HDAC4: variants seen among roughly 807,000 people sequenced by gnomAD.
The protein encoded by HDAC4 is histone deacetylase A.
In HDAC4, 16 loss-of-function variants were observed where a neutral mutation model predicts 135.1. That is an observed-to-expected ratio of 0.12 (90% CI 0.08 to 0.18). HDAC4 has a LOEUF of 0.18. HDAC4 is among the 10% of genes least tolerant of loss of function. The pLI is 1.00. For synonymous variants in HDAC4, 685 were observed against 653.4 expected (o/e 1.05, Z -0.74); for missense variants, 1,143 against 1,511.8 (o/e 0.76, Z 4.05).
rs569346468 is a variant in HDAC4, at chr2:239,154,332, G to A, written c.733+2320C>T. On this transcript the variant is annotated intron_variant, in intron 7 of 26. Transcript: ENST00000543185. Reference sequence around the variant, plus strand: ...ACTCCCAGGACAAGAGGAGACTCTGGGGATGGGTGCATGCCACAGCCGTGA... The same window carrying A: ...ACTCCCAGGACAAGAGGAGACTCTGAGGATGGGTGCATGCCACAGCCGTGA... Among the ~76,000 whole-genome samples the A allele has an allele frequency of 2.6e-5, 4 of 152,302 alleles. No homozygotes were observed. In the East Asian group the frequency reaches 7.7e-4, roughly 29 times the overall value.
At chr2:239,263,740 G>A (rs1479182286) in intron 2 of HDAC4, among the ~76,000 whole-genome samples, 1 of 152,208 alleles carries the variant, frequency 6.6e-6, no homozygotes, top group Non-Finnish European at 1.5e-5. Context: ...TGAGAGACAC[G>A]GGGGCACCGA....
chr2:239,184,669 T>C (rs1448890504), intron 4 of HDAC4, among the ~76,000 whole-genome samples: 1 of 105,692 alleles, frequency 9.5e-6, no homozygotes, highest in Non-Finnish European at 1.9e-5. Context: ...TTGTACCCTA[T>C]GGGGGAGGTC....
chr2:239,166,540 G>T (rs145182430), intron 5 of HDAC4, among the ~76,000 whole-genome samples: 1 of 152,124 alleles, frequency 6.6e-6, no homozygotes, highest in Non-Finnish European at 1.5e-5. Flanking sequence ...CGTTAGACTC[G>T]AACATCACTT....
intron 7 of HDAC4, among the ~76,000 whole-genome samples, chr2:239,155,165 C>A (rs1168781760): frequency 6.6e-6 from 1 of 151,980 alleles, no homozygotes; most frequent in African/African-American, 2.4e-5. Flanking sequence ...TGACCCACTC[C>A]ACCTGGGACA....
At chr2:239,273,396 G>A (rs1033570685) in intron 2 of HDAC4, among the ~76,000 whole-genome samples, 7 of 152,192 alleles carry the variant, frequency 4.6e-5, no homozygotes, top group Admixed American at 1.3e-4. Flanking sequence ...GTAAAGCAAC[G>A]AGCTCATTCC....
intron 2 of HDAC4, among the ~76,000 whole-genome samples, chr2:239,241,050 A>G (rs2048148885): frequency 6.6e-6 from 1 of 152,196 alleles, no homozygotes; most frequent in Non-Finnish European, 1.5e-5. Context: ...GCAGTTTCCT[A>G]GGATCACGGA....
At chr2:239,295,495 C>CA (rs2051829441) in intron 2 of HDAC4, among the ~76,000 whole-genome samples, 1 of 152,190 alleles carries the variant, frequency 6.6e-6, no homozygotes, top group African/African-American at 2.4e-5. Context: ...GACTAGGAGT[C>CA]AGAGACTCTC....
intron 24 of HDAC4, among the ~76,000 whole-genome samples, chr2:239,063,142 T>C (rs1055109298): frequency 6.6e-6 from 1 of 151,978 alleles, no homozygotes; most frequent in African/African-American, 2.4e-5. Context: ...TGCTCTGTAG[T>C]GGGTCATGGA....
chr2:239,158,580 G>C (rs1254128629), intron 6 of HDAC4, among the ~76,000 whole-genome samples: 1 of 152,048 alleles, frequency 6.6e-6, no homozygotes, highest in Admixed American at 6.5e-5. Context: ...GCAGGTGCAG[G>C]AGGGGCTGGG....
At chr2:239,140,616 C>T (rs2041296758) in intron 8 of HDAC4, among the ~76,000 whole-genome samples, 1 of 152,208 alleles carries the variant, frequency 6.6e-6, no homozygotes, top group Non-Finnish European at 1.5e-5. Context: ...CACAATGTGA[C>T]CCATTTGCCT....
chr2:239,112,919 G>A (rs954285610), intron 13 of HDAC4, among the ~76,000 whole-genome samples: 6 of 152,172 alleles, frequency 3.9e-5, no homozygotes, highest in Non-Finnish European at 8.8e-5. Flanking sequence ...GCCAGGCTCC[G>A]ATCTGTCCTG....
chr2:239,256,771 T>G (rs956919428), intron 2 of HDAC4, among the ~76,000 whole-genome samples: 3 of 152,250 alleles, frequency 2.0e-5, no homozygotes, highest in Non-Finnish European at 4.4e-5. Flanking sequence ...AACACTGACT[T>G]GTCACCCTTC....
At chr2:239,258,732 AAAT>A (rs1395975432) in intron 2 of HDAC4, among the ~76,000 whole-genome samples, 1 of 152,264 alleles carries the variant, frequency 6.6e-6, no homozygotes, top group African/African-American at 2.4e-5. Context: ...GAATATTGAC[AAAT>A]AATAAAGTAT....
chr2:239,292,709 A>G (rs1256952750), intron 2 of HDAC4, among the ~76,000 whole-genome samples: 1 of 152,030 alleles, frequency 6.6e-6, no homozygotes, highest in Non-Finnish European at 1.5e-5. Context: ...GGTCGAGAGG[A>G]TACTGTTTCT....
At chr2:239,201,323 C>T (rs2045741000) in intron 3 of HDAC4, among the ~76,000 whole-genome samples, 1 of 152,078 alleles carries the variant, frequency 6.6e-6, no homozygotes, top group African/African-American at 2.4e-5. Flanking sequence ...GATTTGGGAG[C>T]AATGAGAGGG....
chr2:239,162,524 G>A (rs542048719), intron 6 of HDAC4, among the ~76,000 whole-genome samples: 3 of 152,314 alleles, frequency 2.0e-5, no homozygotes, highest in Admixed American at 6.5e-5. Context: ...GGCACAGATC[G>A]GGGTCTCCCC....
At chr2:239,272,648 A>G (rs1224129726) in intron 2 of HDAC4, among the ~76,000 whole-genome samples, 1 of 152,216 alleles carries the variant, frequency 6.6e-6, no homozygotes, top group Non-Finnish European at 1.5e-5. Context: ...GCCAGGATCA[A>G]AAAGATACAA....
rs1306660920 is a variant in HDAC4, at chr2:239,051,623, G to C, written c.*1474C>G. The stretch of plus-strand genomic sequence containing the variant: ...AAACTCATTAGGTACATATGTGCAT[G>C]AAGGCTTGGAGACGGGAGCGGTTCT... On this transcript the variant is annotated 3_prime_UTR_variant, in exon 27 of 27. Coordinates refer to ENST00000543185, the MANE Select transcript of HDAC4 (RefSeq NM_001378414.1). 6.6e-6 allele frequency: 1 copy of C among 152,654 alleles called. No homozygotes were observed. The highest frequency in any genetic ancestry group is 1.5e-5 in the Non-Finnish European group (1 of 68,038). The allele number at this position is 152,654 out of a possible 1,614,324, so 9.5% of individuals were successfully genotyped here. A position where few individuals can be genotyped will look rare whatever the true frequency, so the allele number is the denominator to read the frequency against.
At chr2:239,090,157 C>T in intron 17 of HDAC4, 41 bp from the exon 18 acceptor site, 1 of 1,413,876 alleles carries the variant, frequency 7.1e-7, no homozygotes, top group East Asian at 2.3e-5. Context: ...CCCTCCCAGG[C>T]CACCGTCATC....
Sources: allele counts gnomAD v4.1 joint callset (sites outside exome capture counted in the v4.1 genomes callset), GRCh38; gene constraint gnomAD v4.1.1; transcripts MANE v1.5; gene names NCBI Gene and HGNC (gene_info 2026-07-23, HGNC 2026-07-21).